Variants in RTTN observed in about 807,000 individuals in gnomAD.
RTTN encodes the protein rotatin.
RTTN carries 182 observed loss-of-function variants against 269.2 expected under a neutral mutation model. The ratio of observed to expected loss-of-function variants is 0.68; its 90% CI spans 0.60 to 0.76. The LOEUF (loss-of-function observed/expected upper bound fraction) is 0.76. RTTN is among the 30% of genes least tolerant of loss of function. The pLI, the probability that RTTN is intolerant of heterozygous loss-of-function variation, is 0.00. For synonymous variants in RTTN, 1,006 were observed against 963.5 expected, an observed-to-expected ratio of 1.04 and a Z score of -0.82; for missense variants, 2,545 against 2,608.6, an observed-to-expected ratio of 0.98 and a Z score of 0.53.
chr18:70,128,611 G>T, intron 23 of RTTN, 65 bp from the exon 24 acceptor site: 1 of 1,404,402 alleles, frequency 7.1e-7, no homozygotes, highest in Non-Finnish European at 9.9e-7. Flanking sequence ...AAAAAGATGA[G>T]CCACAAATGA....
At chr18:70,059,391 T>G (rs2057910971) in intron 36 of RTTN, among the ~76,000 whole-genome samples, 1 of 152,208 alleles carries the variant, frequency 6.6e-6, no homozygotes, top group Admixed American at 6.5e-5. Flanking sequence ...TCCCTAAATT[T>G]TATCAGAATA....
At chr18:70,150,481 C>T in intron 15 of RTTN, 127 bp downstream of exon 15, 1 of 812,066 alleles carries the variant, frequency 1.2e-6, no homozygotes, top group Non-Finnish European at 2.0e-6. Flanking sequence ...TTCAACTGAA[C>T]CAATGCACCA....
At chr18:70,186,888 G>A (rs1292473946) in intron 10 of RTTN, among the ~76,000 whole-genome samples, 1 of 152,078 alleles carries the variant, frequency 6.6e-6, no homozygotes, top group Non-Finnish European at 1.5e-5. Flanking sequence ...AGTGGGAGGA[G>A]GACCACAAAA....
intron 34 of RTTN, among the ~76,000 whole-genome samples, chr18:70,069,207 A>G (rs1200798757): frequency 2.0e-5 from 3 of 152,110 alleles, no homozygotes; most frequent in Admixed American, 1.3e-4. Flanking sequence ...TGTTCTCACC[A>G]CAAAAAAAAA....
At chr18:70,127,783 T>A (rs2059904517) in intron 24 of RTTN, 42 bp from the exon 25 acceptor site, 2 of 1,530,194 alleles carry the variant, frequency 1.3e-6, no homozygotes, top group Non-Finnish European at 1.8e-6. Context: ...CATAAAGCTA[T>A]TTAAATAAAA....
intron 40 of RTTN, chr18:70,031,387 T>C (rs778497742): frequency 1.0e-5 from 4 of 398,916 alleles, no homozygotes; most frequent in Non-Finnish European, 1.8e-5. Context: ...CACATTCCCC[T>C]CTCTCCATTT....
chr18:70,193,176 CAAAAAA>C, intron 8 of RTTN, 106 bp downstream of exon 8: 40 of 655,412 alleles, frequency 6.1e-5, no homozygotes, highest in Admixed American at 2.2e-4. Flanking sequence ...GTTAATGTTT[CAAAAAA>C]AAAAAAAAAA....
intron 11 of RTTN, among the ~76,000 whole-genome samples, chr18:70,175,412 A>G (rs915055079): frequency 1.3e-5 from 2 of 152,190 alleles, no homozygotes; most frequent in African/African-American, 4.8e-5. Context: ...ATACTAAGGT[A>G]TGAAATCATA....
intron 46 of RTTN, among the ~76,000 whole-genome samples, chr18:70,014,528 T>G (rs1031534016): frequency 1.3e-5 from 2 of 152,208 alleles, no homozygotes; most frequent in Non-Finnish European, 2.9e-5. Flanking sequence ...TATGAACTTG[T>G]CTTTCATCCA....
At chr18:70,013,026 C>CA (rs2056436861) in intron 46 of RTTN, among the ~76,000 whole-genome samples, 1 of 152,160 alleles carries the variant, frequency 6.6e-6, no homozygotes, top group South Asian at 2.1e-4. Flanking sequence ...AAGGCAGGTG[C>CA]AGTGATGTTT....
intron 14 of RTTN, among the ~76,000 whole-genome samples, chr18:70,151,316 T>C (rs1041293906): frequency 6.6e-6 from 1 of 150,808 alleles, no homozygotes; most frequent in African/African-American, 2.4e-5. Context: ...TACAATTACT[T>C]TGAACCAACA....
intron 10 of RTTN, among the ~76,000 whole-genome samples, chr18:70,180,388 C>T (rs1303924872): frequency 6.6e-6 from 1 of 152,034 alleles, no homozygotes; most frequent in African/African-American, 2.4e-5. Flanking sequence ...TTGAGACCAG[C>T]CTGGCCAATC....
chr18:70,202,746 T>C (rs1391435549), intron 3 of RTTN, among the ~76,000 whole-genome samples: 3 of 152,238 alleles, frequency 2.0e-5, no homozygotes, highest in Non-Finnish European at 2.9e-5. Context: ...AGTTACTTTA[T>C]ACTTTTATTC....
At chr18:70,053,952 C>T (rs896344892) in intron 38 of RTTN, among the ~76,000 whole-genome samples, 179 bp downstream of exon 38, 3 of 152,212 alleles carry the variant, frequency 2.0e-5, no homozygotes, top group African/African-American at 7.2e-5. Flanking sequence ...ATACTACACA[C>T]TTGTCTTAAT....
chr18:70,038,165 C>A (rs1027888641), intron 40 of RTTN, among the ~76,000 whole-genome samples: 1 of 152,290 alleles, frequency 6.6e-6, no homozygotes, highest in East Asian at 1.9e-4. Flanking sequence ...ATCTCTGGAC[C>A]TGCTCAGGGT....
At chr18:70,182,736 G>A (rs1376864771) in intron 10 of RTTN, among the ~76,000 whole-genome samples, 1 of 152,092 alleles carries the variant, frequency 6.6e-6, no homozygotes, top group Non-Finnish European at 1.5e-5. Flanking sequence ...TAAATATTAT[G>A]TTGTAATATA....
intron 27 of RTTN, among the ~76,000 whole-genome samples, chr18:70,111,692 A>T (rs2059471392): frequency 6.6e-6 from 1 of 152,238 alleles, no homozygotes; most frequent in South Asian, 2.1e-4. Flanking sequence ...TGTACCTGAA[A>T]GTGACAGAGA....
chr18:70,095,180 A>C (rs1356246042), intron 28 of RTTN, among the ~76,000 whole-genome samples: 1 of 149,312 alleles, frequency 6.7e-6, no homozygotes, highest in African/African-American at 2.5e-5. Context: ...CCTTTATTTC[A>C]AACTTATGTG....
intron 32 of RTTN, among the ~76,000 whole-genome samples, chr18:70,076,371 T>C (rs2145083449): frequency 6.6e-6 from 1 of 152,112 alleles, no homozygotes; most frequent in Admixed American, 6.6e-5. Context: ...ACAGGAAAGA[T>C]ACGTTCAAAA....
Sources: allele counts gnomAD v4.1 joint callset (sites outside exome capture counted in the v4.1 genomes callset), GRCh38; gene constraint gnomAD v4.1.1; transcripts MANE v1.5; gene names NCBI Gene and HGNC (gene_info 2026-07-23, HGNC 2026-07-21).